Variants in UGT1A8 observed in about 807,000 individuals in gnomAD.
UGT1A8 encodes the protein UDP-glucuronosyltransferase 1A8.
UGT1A8 carries 39 observed loss-of-function variants against 45.3 expected under a neutral mutation model. That is an observed-to-expected ratio of 0.86 (90% confidence interval 0.67 to 1.12). The LOEUF (loss-of-function observed/expected upper bound fraction) is 1.12. UGT1A8 is among the 50% of genes most tolerant of loss of function. The probability of loss-of-function intolerance (pLI) is 0.00; values close to 1 mark genes in which losing one functional copy is unlikely to be tolerated. For missense variants in UGT1A8, 719 were observed against 664.9 expected (o/e 1.08, Z -0.90); for synonymous variants, 275 against 249.2 (o/e 1.10, Z -0.97).
intron 1 of UGT1A8, among the ~76,000 whole-genome samples, chr2:233,698,174 G>C (rs370008696): frequency 6.6e-6 from 1 of 152,128 alleles, no homozygotes. Flanking sequence ...AGAACATTCT[G>C]TATTATGATA....
At chr2:233,759,117 T>G (rs1697059369) in intron 1 of UGT1A8, among the ~76,000 whole-genome samples, 2 of 152,238 alleles carry the variant, frequency 1.3e-5, no homozygotes, top group African/African-American at 4.8e-5. Flanking sequence ...ACCAGGGAGT[T>G]ACAGCCTCTG....
intron 1 of UGT1A8, among the ~76,000 whole-genome samples, chr2:233,734,121 TA>T (rs1021409062): frequency 6.6e-6 from 1 of 151,862 alleles, no homozygotes; most frequent in African/African-American, 2.4e-5. Context: ...ATAATAATAA[TA>T]AAAAGAATTT....
Position 233,696,065 on chromosome 2 carries a change from A to G in UGT1A8, c.856-70969A>G, listed in dbSNP as rs189342937. Among the ~76,000 whole-genome samples the G allele has an allele frequency of 2.0e-5, 3 of 152,352 alleles. No individual in the cohort carries two copies. The East Asian group carries it at 5.8e-4, about 29-fold the overall frequency. On this transcript the variant is annotated intron_variant, in intron 1 of 4. Coordinates refer to ENST00000373450, the MANE Select transcript of UGT1A8 (RefSeq NM_019076.5). ...TTGAAGAATGTAAATTAGTACAGCC[A>G]CTATGAAGAACAGTATGGAGAGTCT...
intron 1 of UGT1A8, among the ~76,000 whole-genome samples, chr2:233,658,291 T>C (rs756244346): frequency 6.6e-6 from 1 of 152,164 alleles, no homozygotes; most frequent in Non-Finnish European, 1.5e-5. Flanking sequence ...AGTGCTGGGA[T>C]TACAGGTGTG....
At position 233,747,386 on chromosome 2, in the gene UGT1A8, G is replaced by A. The variant is rs28900380; in HGVS notation, c.856-19648G>A. ...AGCTCCATGCCAGAGGCCACCAGGC[G>A]GTGGTCCTCACCCCAGAGGTGAATA... is the stretch of plus-strand genomic sequence containing the variant. On this transcript the variant is annotated intron_variant, in intron 1 of 4. Coordinates refer to ENST00000373450, the MANE Select transcript of UGT1A8 (RefSeq NM_019076.5). The A allele has an allele frequency of 0.013, 20,927 of 1,605,194 alleles. 2,457 individuals carry two copies. In the African/African-American group the frequency reaches 0.23, roughly 18 times the overall value.
In UGT1A8 at chr2:233,652,849, G is replaced by A. The variant is rs1469114368; in HGVS notation, c.855+34287G>A. On this transcript the variant is annotated intron_variant, in intron 1 of 4. Coordinates refer to ENST00000373450, the MANE Select transcript of UGT1A8 (RefSeq NM_019076.5). ...ATAGCTAAATAGAAAAGCTAGAAGTGTAAAAGTTTAGAAGGAAACATTTGG... is the reference window on the plus strand; with the variant it reads ...ATAGCTAAATAGAAAAGCTAGAAGTATAAAAGTTTAGAAGGAAACATTTGG... Among the ~76,000 whole-genome samples, 15 of 152,330 alleles carry A rather than the reference G, an allele frequency of 9.8e-5. No individual in the cohort carries two copies. The East Asian group carries it at 2.9e-3, about 29-fold the overall frequency.
chr2:233,681,973 A>G (rs768736320), intron 1 of UGT1A8: 7 of 1,613,946 alleles, frequency 4.3e-6, no homozygotes, highest in South Asian at 1.1e-5. Context: ...TCCTTCCCCT[A>G]TATGTGTGTC....
intron 1 of UGT1A8, chr2:233,636,836 T>C (rs2073304507): frequency 1.2e-6 from 2 of 1,614,108 alleles, no homozygotes; most frequent in South Asian, 1.1e-5. Flanking sequence ...GCACAAAGTA[T>C]ATTTTCTCTA....
intron 1 of UGT1A8, chr2:233,760,820 G>A (rs1177412651): frequency 6.2e-7 from 1 of 1,613,432 alleles, no homozygotes; most frequent in Non-Finnish European, 8.5e-7. Context: ...CTGCCATGCA[G>A]CCTGGAATTT....
chr2:233,699,373 A>G (rs28898581), intron 1 of UGT1A8, among the ~76,000 whole-genome samples: 1,596 of 152,294 alleles, frequency 0.01, 34 homozygotes, highest in African/African-American at 0.036. Flanking sequence ...GTATGGCTAG[A>G]TTTCAAATAT....
At chr2:233,758,501 A>C (rs1213021180) in intron 1 of UGT1A8, among the ~76,000 whole-genome samples, 2 of 152,232 alleles carry the variant, frequency 1.3e-5, no homozygotes, top group Admixed American at 6.5e-5. Context: ...AGAATTTCTA[A>C]TAAGGACACA....
At chr2:233,650,969 A>G (rs28969694) in intron 1 of UGT1A8, among the ~76,000 whole-genome samples, 2,284 of 152,318 alleles carry the variant, frequency 0.015, 49 homozygotes, top group African/African-American at 0.052. Flanking sequence ...ACTTTGTAAC[A>G]CAGTTGTATG....
intron 1 of UGT1A8, among the ~76,000 whole-genome samples, chr2:233,725,599 G>GT (rs1258851013): frequency 4.6e-5 from 7 of 152,142 alleles, no homozygotes; most frequent in East Asian, 3.9e-4. Context: ...ATTTGACATA[G>GT]TTTTTTCTTG....
At chr2:233,708,932 A>G (rs1026818706) in intron 1 of UGT1A8, among the ~76,000 whole-genome samples, 3 of 152,134 alleles carry the variant, frequency 2.0e-5, no homozygotes, top group Non-Finnish European at 4.4e-5. Context: ...GAGCCAAACT[A>G]TGTCACCAGA....
intron 1 of UGT1A8, chr2:233,754,896 C>G: frequency 7.4e-7 from 1 of 1,350,638 alleles, no homozygotes; most frequent in Non-Finnish European, 9.9e-7. Flanking sequence ...GTTCCTCTGA[C>G]CCCCCAAAAT....
chr2:233,630,413 AG>A (rs2073166853), intron 1 of UGT1A8, among the ~76,000 whole-genome samples: 2 of 152,274 alleles, frequency 1.3e-5, no homozygotes. Flanking sequence ...TCATCCATGA[AG>A]GTATCAAGAA....
At chr2:233,644,989 T>C (rs1447621872) in intron 1 of UGT1A8, among the ~76,000 whole-genome samples, 1 of 152,146 alleles carries the variant, frequency 6.6e-6, no homozygotes, top group African/African-American at 2.4e-5. Flanking sequence ...TGACCCCTGA[T>C]TGAGAAGCTG....
At chr2:233,631,669 G>A (rs1312001222) in intron 1 of UGT1A8, among the ~76,000 whole-genome samples, 2 of 151,866 alleles carry the variant, frequency 1.3e-5, no homozygotes, top group African/African-American at 2.4e-5. Context: ...TCCTTCGACC[G>A]CTTTTTGATG....
chr2:233,690,417 T>G, intron 1 of UGT1A8: 1 of 1,228,386 alleles, frequency 8.1e-7, no homozygotes, highest in Non-Finnish European at 1.1e-6. Context: ...TGAAATTACC[T>G]TCATGCACAT....
Sources: gnomAD v4.1 joint callset for allele counts (sites outside exome capture counted in the v4.1 genomes callset) on GRCh38, gnomAD v4.1.1 for gene constraint, MANE v1.5 for transcripts, NCBI Gene and HGNC (gene_info 2026-07-23, HGNC 2026-07-21) for gene names.